The following SMYD2 variants were observed in gnomAD, a reference collection of about 807,000 sequenced individuals.
SMYD2 encodes N-lysine methyltransferase SMYD2.
In SMYD2, 53 loss-of-function variants were observed where a neutral mutation model predicts 59.1. The observed-to-expected ratio is 0.90, with a 90% CI of 0.72 to 1.13. The LOEUF is 1.13. Among genes scored for constraint, SMYD2 ranks in the 50% most tolerant of loss-of-function variants. The pLI, the probability that SMYD2 is intolerant of heterozygous loss-of-function variation, is 0.00. For synonymous variants in SMYD2, 208 were observed against 198.8 expected, an observed-to-expected ratio of 1.05 and a Z score of -0.39; for missense variants, 494 against 544.7, an observed-to-expected ratio of 0.91 and a Z score of 0.93.
chr1:214,320,672 C>G (rs994657992), intron 5 of SMYD2, among the ~76,000 whole-genome samples: 4 of 152,114 alleles, frequency 2.6e-5, no homozygotes, highest in Admixed American at 6.6e-5. Context: ...ACTTCAGCTT[C>G]CCCCCAACTG....
intron 10 of SMYD2, chr1:214,333,631 C>T (rs545662947): frequency 6.5e-6 from 1 of 152,988 alleles, no homozygotes; most frequent in South Asian, 2.1e-4. Context: ...CTTGCTGTAT[C>T]TAAAGCCCCT....
In SMYD2 at chr1:214,336,869, C is replaced by CCAG; in HGVS notation, c.*88_*90dup. 2.6e-6 allele frequency: 3 copies of CCAG among 1,145,258 alleles called. No homozygotes were observed. Among genetic ancestry groups the CCAG allele is most frequent in the Non-Finnish European group, 3.8e-6 (3 of 799,186 alleles). The allele number at this position is 1,145,258 out of a possible 1,614,324, so 70.9% of individuals were successfully genotyped here. The stretch of plus-strand genomic sequence containing the variant: ...AATATTTCAAATTGCACACGTCACT[C>CCAG]CAGCATCTCTGTAAAATAATTGGAA... On this transcript the variant is annotated 3_prime_UTR_variant, in exon 12 of 12. Transcript: ENST00000366957.
intron 10 of SMYD2, 74 bp from the exon 11 acceptor site, chr1:214,334,126 C>G: frequency 7.2e-7 from 1 of 1,395,814 alleles, no homozygotes; most frequent in Non-Finnish European, 1.0e-6. Flanking sequence ...CAGCCTCCGG[C>G]TTACTGCACC....
chr1:214,305,382 G>T (rs1185646974), intron 2 of SMYD2, 132 bp downstream of exon 2: 10 of 900,822 alleles, frequency 1.1e-5, no homozygotes, highest in African/African-American at 6.6e-5. Flanking sequence ...ATCCTTGGAT[G>T]TGTGCTGACC....
chr1:214,331,888 G>C, intron 9 of SMYD2, 130 bp from the exon 10 acceptor site: 1 of 779,438 alleles, frequency 1.3e-6, no homozygotes, highest in Non-Finnish European at 2.0e-6. Context: ...ACTTTTGCTT[G>C]GCTTTCTGTA....
chr1:214,300,626 C>A (rs898907501), intron 1 of SMYD2, among the ~76,000 whole-genome samples: 2 of 152,154 alleles, frequency 1.3e-5, no homozygotes, highest in South Asian at 4.1e-4. Context: ...TATCCACTCA[C>A]GTAGAGAGAC....
At chr1:214,287,357 C>T (rs1006004190) in intron 1 of SMYD2, among the ~76,000 whole-genome samples, 3 of 151,520 alleles carry the variant, frequency 2.0e-5, no homozygotes, top group Non-Finnish European at 2.9e-5. Flanking sequence ...GAAGCCGAGG[C>T]GGGCGGATTA....
At chr1:214,299,905 C>T (rs1656794625) in intron 1 of SMYD2, among the ~76,000 whole-genome samples, 1 of 152,192 alleles carries the variant, frequency 6.6e-6, no homozygotes, top group Non-Finnish European at 1.5e-5. Context: ...CACACCCAGC[C>T]ATGTTCTCAC....
At chr1:214,289,361 G>C (rs538092429) in intron 1 of SMYD2, among the ~76,000 whole-genome samples, 1 of 152,226 alleles carries the variant, frequency 6.6e-6, no homozygotes, top group East Asian at 1.9e-4. Flanking sequence ...AATAATTACT[G>C]TTTTATGCCA....
intron 1 of SMYD2, among the ~76,000 whole-genome samples, chr1:214,297,915 A>C (rs1281190959): frequency 1.3e-5 from 2 of 152,118 alleles, no homozygotes; most frequent in Non-Finnish European, 2.9e-5. Flanking sequence ...ACACAAACAA[A>C]TGGAAAAACA....
chr1:214,284,247 T>G (rs112007054), intron 1 of SMYD2, among the ~76,000 whole-genome samples: 10,269 of 138,120 alleles, frequency 0.074, 438 homozygotes, highest in South Asian at 0.2. Flanking sequence ...CACCATTTTT[T>G]GGTGTGGTTT....
At chr1:214,290,792 G>A (rs1279583487) in intron 1 of SMYD2, among the ~76,000 whole-genome samples, 2 of 152,180 alleles carry the variant, frequency 1.3e-5, no homozygotes, top group Non-Finnish European at 2.9e-5. Context: ...GCACTTGGAA[G>A]GAGTTATGTT....
Position 214,330,185 on chromosome 1 carries a change from T to C in SMYD2, c.723T>C (p.Ile241=). ...KPGEEVFTSY[I]DLLYPTEDRN... ...CCCCGTAGGTTTTTACCAGCTATAT[T>C]GATCTCCTGTACCCAACGGAAGATA... The change falls in exon 8 of 12, where the codon ATT becomes ATC. Residue 241 remains isoleucine (I), a synonymous_variant. Transcript: ENST00000366957. 1 of 1,610,786 alleles carries C rather than the reference T, an allele frequency of 6.2e-7. No homozygotes were observed. The highest frequency in any genetic ancestry group is 8.5e-7 in the Non-Finnish European group (1 of 1,178,018).
chr1:214,331,003 C>T lies in SMYD2; in HGVS notation c.870C>T (p.Ala290=). The stretch of plus-strand genomic sequence containing the variant: ...TCAGCGATCCCCCAAAGGCAGAAGC[C>T]ATCCGAGACATGGTCAGATATGCAC... The part of the protein sequence containing the change: ...RKLSDPPKAE[A]IRDMVRYARN... The change falls in exon 9 of 12, where the codon GCC becomes GCT. Residue 290 remains alanine (A), a synonymous_variant. Coordinates refer to ENST00000366957, the MANE Select transcript of SMYD2 (RefSeq NM_020197.3). The T allele has an allele frequency of 6.2e-7, 1 of 1,614,220 alleles. No individual in the cohort carries two copies. Among genetic ancestry groups the T allele is most frequent in the Non-Finnish European group, 8.5e-7 (1 of 1,180,046 alleles).
At chr1:214,314,161 G>A (rs1657043232) in intron 2 of SMYD2, among the ~76,000 whole-genome samples, 1 of 151,492 alleles carries the variant, frequency 6.6e-6, no homozygotes, top group Non-Finnish European at 1.5e-5. Context: ...TGGCAACAGA[G>A]CGAGACTCTG....
intron 3 of SMYD2, among the ~76,000 whole-genome samples, chr1:214,315,137 T>C (rs1657063795): frequency 6.6e-6 from 1 of 152,220 alleles, no homozygotes. Flanking sequence ...ATGACAGGTT[T>C]ACATGGAAAT....
chr1:214,304,835 T>G (rs1286833784), intron 1 of SMYD2, among the ~76,000 whole-genome samples: 3 of 152,200 alleles, frequency 2.0e-5, no homozygotes, highest in African/African-American at 4.8e-5. Context: ...AACTTGAACT[T>G]GCCCTGAGCT....
intron 2 of SMYD2, 49 bp from the exon 3 acceptor site, chr1:214,314,713 T>C (rs772907320): frequency 3.6e-6 from 5 of 1,406,064 alleles, no homozygotes; most frequent in Non-Finnish European, 5.0e-6. Context: ...TCACACTTTA[T>C]TCCAGTGTAT....
intron 1 of SMYD2, among the ~76,000 whole-genome samples, chr1:214,293,269 G>A (rs921633456): frequency 6.6e-6 from 1 of 152,032 alleles, no homozygotes; most frequent in African/African-American, 2.4e-5. Flanking sequence ...GGCCAGGCTG[G>A]TCTCGAACTC....
Sources: gnomAD v4.1 joint callset for allele counts (sites outside exome capture counted in the v4.1 genomes callset) on GRCh38, gnomAD v4.1.1 for gene constraint, MANE v1.5 for transcripts, NCBI Gene and HGNC (gene_info 2026-07-23, HGNC 2026-07-21) for gene names.